The following PROS1 variants were observed in gnomAD, a reference collection of about 807,000 sequenced individuals.
The protein encoded by PROS1 is vitamin K-dependent protein S.
A neutral mutation model predicts 75.9 loss-of-function variants in PROS1; 29 were observed. The ratio of observed to expected loss-of-function variants is 0.38; its 90% CI spans 0.28 to 0.52. The LOEUF is 0.52. Among genes scored for constraint, PROS1 ranks in the 20% least tolerant of loss-of-function variants. The probability of loss-of-function intolerance (pLI) is 0.83; values close to 1 mark genes in which losing one functional copy is unlikely to be tolerated. For missense variants in PROS1, 680 were observed against 810.3 expected (o/e 0.84, Z 1.95); for synonymous variants, 245 against 280.6 (o/e 0.87, Z 1.27).
intron 1 of PROS1, among the ~76,000 whole-genome samples, chr3:93,945,671 G>A (rs1425076042): frequency 6.6e-6 from 1 of 152,072 alleles, no homozygotes; most frequent in Non-Finnish European, 1.5e-5. Flanking sequence ...AAAATAATAA[G>A]AGCTATTTAT....
chr3:93,891,860 G>A (rs533515417), intron 10 of PROS1, among the ~76,000 whole-genome samples: 28 of 152,202 alleles, frequency 1.8e-4, no homozygotes, highest in African/African-American at 6.3e-4. Context: ...TTCAAGACCA[G>A]CCTGGGCAAC....
At chr3:93,925,828 A>T (rs1709008449) in intron 2 of PROS1, among the ~76,000 whole-genome samples, 1 of 151,028 alleles carries the variant, frequency 6.6e-6, no homozygotes, top group African/African-American at 2.4e-5. Context: ...GTCTAAAAAA[A>T]AAAAAAAAAA....
At chr3:93,910,321 T>A (rs1223198082) in intron 4 of PROS1, among the ~76,000 whole-genome samples, 1 of 152,190 alleles carries the variant, frequency 6.6e-6, no homozygotes, top group Non-Finnish European at 1.5e-5. Flanking sequence ...TACATGATTA[T>A]GCAACAACAG....
chr3:93,924,987 A>G (rs999977606), intron 2 of PROS1, among the ~76,000 whole-genome samples: 2 of 152,196 alleles, frequency 1.3e-5, no homozygotes, highest in South Asian at 2.1e-4. Flanking sequence ...CATACTTTGA[A>G]GTGAATTAAA....
rs112945093 is a variant in PROS1 at position 93,873,466 on chromosome 3, A to T, written c.*779T>A. 4 of 152,150 alleles carry T rather than the reference A, an allele frequency of 2.6e-5. No homozygotes were observed. Among genetic ancestry groups the T allele is most frequent in the Non-Finnish European group, 5.9e-5 (4 of 68,010 alleles). The allele number at this position is 152,150 out of a possible 1,614,324, so 9.4% of individuals were successfully genotyped here. The stretch of plus-strand genomic sequence containing the variant: ...AAACTATGAACTCCCACATTTGTTC[A>T]TTCTCCTTTCCATCCCTGAATTCTG... On this transcript the variant is annotated 3_prime_UTR_variant, in exon 15 of 15. Coordinates refer to ENST00000394236, the MANE Select transcript of PROS1 (RefSeq NM_000313.4).
chr3:93,926,724 C>A (rs562214207), intron 2 of PROS1, among the ~76,000 whole-genome samples: 1 of 152,212 alleles, frequency 6.6e-6, no homozygotes, highest in Non-Finnish European at 1.5e-5. Context: ...CGCGCGCACA[C>A]GCACACACAC....
intron 14 of PROS1, 63 bp downstream of exon 14, chr3:93,876,903 T>G (rs1347126282): frequency 9.2e-7 from 1 of 1,089,326 alleles, no homozygotes; most frequent in East Asian, 2.6e-5. Flanking sequence ...AATTATATAT[T>G]TAAAATATTA....
chr3:93,884,649 A>T lies in PROS1; in HGVS notation c.1492+79T>A, dbSNP rs1033536645. The T allele has an allele frequency of 1.7e-5, 24 of 1,448,960 alleles. No individual in the cohort carries two copies. In the African/African-American group the frequency reaches 2.9e-4, roughly 17 times the overall value. The allele number at this position is 1,448,960 out of a possible 1,614,324, so 89.8% of individuals were successfully genotyped here. On this transcript the variant is annotated intron_variant, in intron 12 of 14. Coordinates refer to ENST00000394236, the MANE Select transcript of PROS1 (RefSeq NM_000313.4). ...CACAGTAGATACTCAATAATGTTTC[A>T]CAAATAAATTATTACTGTTTGTTAA...
chr3:93,919,348 T>A (rs1708909368), intron 3 of PROS1, among the ~76,000 whole-genome samples: 3 of 152,164 alleles, frequency 2.0e-5, no homozygotes, highest in Admixed American at 6.5e-5. Context: ...TTTTCTGATT[T>A]CTAAGGAGAG....
chr3:93,921,861 C>A (rs1251920671), intron 3 of PROS1, among the ~76,000 whole-genome samples: 1 of 152,118 alleles, frequency 6.6e-6, no homozygotes, highest in Admixed American at 6.5e-5. Context: ...TGTTAATGCT[C>A]ACTTTTGTTT....
intron 1 of PROS1, among the ~76,000 whole-genome samples, chr3:93,945,380 T>A (rs1709370886): frequency 6.6e-6 from 1 of 152,108 alleles, no homozygotes; most frequent in Admixed American, 6.5e-5. Context: ...TAGACCAATA[T>A]CCCTGATGAA....
intron 3 of PROS1, among the ~76,000 whole-genome samples, chr3:93,913,306 C>A (rs1462651730): frequency 6.6e-6 from 1 of 152,206 alleles, no homozygotes; most frequent in Non-Finnish European, 1.5e-5. Flanking sequence ...AAGGGCAGGG[C>A]CAGGTGGAGA....
In PROS1 at chr3:93,879,159, T is replaced by A. The variant is rs146913514; in HGVS notation, c.1644+4A>T. 122 of 1,613,630 alleles carry A rather than the reference T, an allele frequency of 7.6e-5. No homozygotes were observed. The Middle Eastern group carries it at 1.7e-3, about 22-fold the overall frequency. Reference sequence around the variant, plus strand: ...AGGCTTATATAGGTTTAGAGTTAAGTTACCTGTGATTTTTCAGAGGTGGAG... The same window carrying A: ...AGGCTTATATAGGTTTAGAGTTAAGATACCTGTGATTTTTCAGAGGTGGAG... On this transcript the variant is annotated splice_donor_region_variant and intron_variant, in intron 13 of 14. Coordinates refer to ENST00000394236, the MANE Select transcript of PROS1 (RefSeq NM_000313.4).
chr3:93,952,648 C>G (rs1027443282), intron 1 of PROS1, among the ~76,000 whole-genome samples: 5 of 152,240 alleles, frequency 3.3e-5, no homozygotes, highest in East Asian at 1.9e-4. Flanking sequence ...AATTGACACC[C>G]TAACAGCACA....
intron 1 of PROS1, among the ~76,000 whole-genome samples, chr3:93,960,521 C>T (rs1291294112): frequency 3.4e-5 from 5 of 149,002 alleles, no homozygotes; most frequent in Non-Finnish European, 7.4e-5. Context: ...AAGTACACCA[C>T]CTCCATTGCT....
chr3:93,909,643 G>T (rs1708730357), intron 4 of PROS1, among the ~76,000 whole-genome samples: 1 of 152,126 alleles, frequency 6.6e-6, no homozygotes, highest in African/African-American at 2.4e-5. Context: ...CCAGTCAACT[G>T]TACATGTTCT....
intron 10 of PROS1, among the ~76,000 whole-genome samples, chr3:93,888,749 C>T (rs201887468): frequency 1.3e-5 from 2 of 152,188 alleles, no homozygotes; most frequent in South Asian, 2.1e-4. Flanking sequence ...CAACAGTCTC[C>T]TAACTCCATA....
intron 1 of PROS1, among the ~76,000 whole-genome samples, chr3:93,948,866 C>T (rs1200303539): frequency 1.3e-5 from 2 of 152,128 alleles, no homozygotes; most frequent in East Asian, 3.9e-4. Context: ...GTTATTTGCT[C>T]TATACATTTC....
chr3:93,914,841 G>A (rs996769834), intron 3 of PROS1, among the ~76,000 whole-genome samples: 7 of 152,168 alleles, frequency 4.6e-5, no homozygotes, highest in South Asian at 2.1e-4. Flanking sequence ...CCAGTTCTCC[G>A]AAGTCCCCAA....
Sources: gnomAD v4.1 joint callset for allele counts (sites outside exome capture counted in the v4.1 genomes callset) on GRCh38, gnomAD v4.1.1 for gene constraint, MANE v1.5 for transcripts, NCBI Gene and HGNC (gene_info 2026-07-23, HGNC 2026-07-21) for gene names.